Variants in PHACTR4 observed in about 807,000 individuals in gnomAD.
PHACTR4 encodes protein phosphatase 1, regulatory subunit 124.
PHACTR4 carries 51 observed loss-of-function variants against 72.7 expected under a neutral mutation model. The observed-to-expected ratio is 0.70, with a 90% CI of 0.56 to 0.89. The LOEUF (loss-of-function observed/expected upper bound fraction) is 0.89, where lower values mean the gene tolerates loss of function less well. PHACTR4 is among the 40% of genes least tolerant of loss of function. PHACTR4 has a pLI of 0.00. For missense variants in PHACTR4, 731 were observed against 861.8 expected (o/e 0.85, Z 1.90); for synonymous variants, 255 against 302.5 (o/e 0.84, Z 1.63).
intron 2 of PHACTR4, chr1:28,453,826 C>A: frequency 1.1e-6 from 1 of 886,742 alleles, no homozygotes; most frequent in Non-Finnish European, 1.9e-6. Flanking sequence ...TGACAGAGCA[C>A]AAAAGGCTTT....
intron 1 of PHACTR4, among the ~76,000 whole-genome samples, chr1:28,373,954 C>G (rs1329013254): frequency 6.6e-6 from 1 of 152,184 alleles, no homozygotes; most frequent in Non-Finnish European, 1.5e-5. Flanking sequence ...AGCTACTAAT[C>G]TTAGCAGCAC....
chr1:28,465,693 G>T lies in PHACTR4; in HGVS notation c.280G>T (p.Asp94Tyr). The change falls in exon 5 of 14, where the codon GAT (aspartate) becomes TAT (tyrosine). Residue 94 changes from aspartate (D) to tyrosine (Y), a missense_variant. Around this residue, in one of 2 missense-constraint regions of PHACTR4, gnomAD observed 621 missense variants for 676.6 expected, o/e 0.92. Coordinates refer to ENST00000373839, the MANE Select transcript of PHACTR4 (RefSeq NM_001048183.3). ...LLEDPEQGGE[D>Y]PGKPSDAMLK... is the part of the protein sequence containing the mutation. ...CTTCTTTCACCTTGCAGGTGGTGAGGATCCAGGAAAGCCAAGCGATGCCAT... is the reference window on the plus strand; with the variant it reads ...CTTCTTTCACCTTGCAGGTGGTGAGTATCCAGGAAAGCCAAGCGATGCCAT... 1 of 1,612,856 alleles carries T rather than the reference G, an allele frequency of 6.2e-7. No individual in the cohort carries two copies. Among genetic ancestry groups the T allele is most frequent in the Non-Finnish European group, 8.5e-7 (1 of 1,179,570 alleles).
At position 28,374,100 on chromosome 1, in the gene PHACTR4, A is replaced by G. The variant is rs1569715870; in HGVS notation, c.-39+4275A>G. On this transcript the variant is annotated intron_variant, in intron 1 of 13. Coordinates refer to ENST00000373839, the MANE Select transcript of PHACTR4 (RefSeq NM_001048183.3). The stretch of plus-strand genomic sequence containing the variant: ...GTCTTTCTCTTAAATTATATTGAAC[A>G]TTGGTCCCATTACTTTGTCTTCTCA... Among the ~76,000 whole-genome samples the G allele has an allele frequency of 2.6e-5, 4 of 152,190 alleles. No homozygotes were observed. In the South Asian group the frequency reaches 8.3e-4, roughly 31 times the overall value.
At chr1:28,402,490 G>A (rs1245705649) in intron 1 of PHACTR4, among the ~76,000 whole-genome samples, 2 of 152,148 alleles carry the variant, frequency 1.3e-5, no homozygotes, top group East Asian at 3.8e-4. Flanking sequence ...GTTGGCCTAT[G>A]TCTGTAATCC....
intron 1 of PHACTR4, among the ~76,000 whole-genome samples, chr1:28,378,568 A>AT (rs1651886169): frequency 3.2e-5 from 1 of 31,126 alleles, no homozygotes. Context: ...TTCTCCCCCC[A>AT]GCCCCCCCCC....
intron 1 of PHACTR4, among the ~76,000 whole-genome samples, chr1:28,373,384 G>T (rs1474955885): frequency 1.3e-5 from 2 of 151,930 alleles, no homozygotes; most frequent in Non-Finnish European, 2.9e-5. Context: ...TCTGCCTCCC[G>T]GGTTTAAGTG....
intron 4 of PHACTR4, among the ~76,000 whole-genome samples, chr1:28,463,824 C>T (rs534024762): frequency 2.0e-5 from 3 of 152,260 alleles, no homozygotes; most frequent in Non-Finnish European, 2.9e-5. Flanking sequence ...CCTTGACCTC[C>T]TGGGTTCAAA....
intron 2 of PHACTR4, among the ~76,000 whole-genome samples, chr1:28,419,444 T>C (rs1304653806): frequency 1.3e-5 from 2 of 151,928 alleles, no homozygotes; most frequent in African/African-American, 4.8e-5. Flanking sequence ...GTGTATATAG[T>C]GTAAAAAACA....
At chr1:28,391,764 C>T (rs1653063914) in intron 1 of PHACTR4, among the ~76,000 whole-genome samples, 4 of 151,758 alleles carry the variant, frequency 2.6e-5, no homozygotes, top group Admixed American at 2.6e-4. Flanking sequence ...CACCACCATG[C>T]CCAGCTAATT....
At chr1:28,438,283 A>G in intron 2 of PHACTR4, 2 of 1,497,766 alleles carry the variant, frequency 1.3e-6, no homozygotes, top group Non-Finnish European at 1.8e-6. Context: ...TGACACTGAA[A>G]GAGGACCGCA....
At chr1:28,488,580 A>C (rs977518166) in intron 9 of PHACTR4, among the ~76,000 whole-genome samples, 2 of 152,104 alleles carry the variant, frequency 1.3e-5, no homozygotes, top group Admixed American at 6.6e-5. Flanking sequence ...GCTTGAGCCC[A>C]GGAGGAGTTC....
chr1:28,377,973 G>A (rs182718197), intron 1 of PHACTR4, among the ~76,000 whole-genome samples: 182 of 151,920 alleles, frequency 1.2e-3, no homozygotes, highest in African/African-American at 4.2e-3. Context: ...TGAGGCGGGC[G>A]GATCACGAGG....
rs1661581504 is a variant in PHACTR4, at chr1:28,500,161, G to T, written c.*3612G>T. On this transcript the variant is annotated 3_prime_UTR_variant, in exon 14 of 14. Transcript: ENST00000373839. ...TTTTGTTTTTATGTATATAAAAATGGATTTTGTGTTCCCTTTCCATGTAAG... is the reference window on the plus strand; with the variant it reads ...TTTTGTTTTTATGTATATAAAAATGTATTTTGTGTTCCCTTTCCATGTAAG... 2 of 152,172 alleles carry T rather than the reference G, an allele frequency of 1.3e-5. No homozygotes were observed. Among genetic ancestry groups the T allele is most frequent in the East Asian group, 3.9e-4 (2 of 5,186 alleles). The allele number at this position is 152,172 out of a possible 1,614,324, so 9.4% of individuals were successfully genotyped here. A position where few individuals can be genotyped will look rare whatever the true frequency, so the allele number is the denominator to read the frequency against.
intron 2 of PHACTR4, among the ~76,000 whole-genome samples, chr1:28,417,948 CA>C (rs745690078): frequency 0.047 from 3,964 of 83,470 alleles, 177 homozygotes; most frequent in African/African-American, 0.15. Context: ...GGAGACCCTA[CA>C]AAAAAAAAAA....
At chr1:28,442,388 A>G (rs1657103804) in intron 2 of PHACTR4, among the ~76,000 whole-genome samples, 1 of 151,244 alleles carries the variant, frequency 6.6e-6, no homozygotes, top group African/African-American at 2.4e-5. Context: ...CGCTTGAAAC[A>G]AGGAGGCGGA....
At chr1:28,404,196 T>A (rs1654143980) in intron 1 of PHACTR4, among the ~76,000 whole-genome samples, 1 of 151,386 alleles carries the variant, frequency 6.6e-6, no homozygotes, top group African/African-American at 2.4e-5. Flanking sequence ...GTGATCTGCC[T>A]GCCTTGTCCT....
chr1:28,446,774 A>G (rs1657502224), intron 2 of PHACTR4, among the ~76,000 whole-genome samples: 1 of 151,714 alleles, frequency 6.6e-6, no homozygotes, highest in Admixed American at 6.6e-5. Context: ...GTGAGGCTCC[A>G]TCTCAAAAAA....
At chr1:28,443,581 G>A (rs1347957444) in intron 2 of PHACTR4, among the ~76,000 whole-genome samples, 1 of 151,834 alleles carries the variant, frequency 6.6e-6, no homozygotes, top group Non-Finnish European at 1.5e-5. Flanking sequence ...CTAAGTAGCT[G>A]GGACTACAGG....
intron 11 of PHACTR4, among the ~76,000 whole-genome samples, 192 bp downstream of exon 11, chr1:28,491,204 AC>A (rs1367564509): frequency 6.9e-6 from 1 of 145,278 alleles, no homozygotes; most frequent in Admixed American, 6.7e-5. Context: ...CCTTGTGTCT[AC>A]ATTAAAAAAA....
Sources: allele counts gnomAD v4.1 joint callset (sites outside exome capture counted in the v4.1 genomes callset), GRCh38; gene constraint gnomAD v4.1.1; regional missense constraint gnomAD v4.1.1; transcripts MANE v1.5; gene names NCBI Gene and HGNC (gene_info 2026-07-23, HGNC 2026-07-21).